The following MARK3 variants were observed in gnomAD, a reference collection of about 807,000 sequenced individuals.
MARK3 encodes the protein MAP/microtubule affinity-regulating kinase 3.
A neutral mutation model predicts 90.1 loss-of-function variants in MARK3; 46 were observed. The observed-to-expected ratio is 0.51, with a 90% CI of 0.40 to 0.65. The LOEUF (loss-of-function observed/expected upper bound fraction) is 0.65, where lower values mean the gene tolerates loss of function less well. Ranked by LOEUF, MARK3 falls within the 30% of genes least tolerant of loss-of-function variation. MARK3 has a pLI of 0.00. For synonymous variants in MARK3, 321 were observed against 332.6 expected, an observed-to-expected ratio of 0.97 and a Z score of 0.38; for missense variants, 818 against 947.2, an observed-to-expected ratio of 0.86 and a Z score of 1.79.
chr14:103,444,555 G>T (rs1345838681), intron 3 of MARK3, among the ~76,000 whole-genome samples: 1 of 152,162 alleles, frequency 6.6e-6, no homozygotes, highest in Non-Finnish European at 1.5e-5. Context: ...GAGGCGGGCG[G>T]ATCACGAGGT....
intron 15 of MARK3, among the ~76,000 whole-genome samples, chr14:103,497,140 G>A (rs1174523705): frequency 6.6e-6 from 1 of 152,090 alleles, no homozygotes; most frequent in East Asian, 1.9e-4. Context: ...GGATAATACT[G>A]CCTTATATTT....
At chr14:103,395,390 G>A (rs955370314) in intron 1 of MARK3, among the ~76,000 whole-genome samples, 1 of 148,456 alleles carries the variant, frequency 6.7e-6, no homozygotes. Context: ...TGGTTTTTTT[G>A]TTTGTTTACT....
chr14:103,424,728 A>C (rs2092344251), intron 2 of MARK3, among the ~76,000 whole-genome samples: 1 of 152,144 alleles, frequency 6.6e-6, no homozygotes, highest in African/African-American at 2.4e-5. Flanking sequence ...GAGGCCAGAA[A>C]AGAGTGTGTA....
intron 14 of MARK3, among the ~76,000 whole-genome samples, chr14:103,488,070 G>A (rs1392247454): frequency 6.6e-6 from 1 of 151,972 alleles, no homozygotes; most frequent in Non-Finnish European, 1.5e-5. Context: ...AATAACATTT[G>A]TGTGCATTCA....
chr14:103,420,825 A>G (rs1436965789), intron 2 of MARK3, among the ~76,000 whole-genome samples: 1 of 152,170 alleles, frequency 6.6e-6, no homozygotes, highest in East Asian at 1.9e-4. Flanking sequence ...TTGAGGTTCA[A>G]CAAGGGGACA....
chr14:103,479,009 T>C (rs1265293695), intron 13 of MARK3, among the ~76,000 whole-genome samples: 2 of 152,198 alleles, frequency 1.3e-5, no homozygotes, highest in East Asian at 3.8e-4. Flanking sequence ...TGGACTTAAA[T>C]GTTTTAATTT....
intron 3 of MARK3, among the ~76,000 whole-genome samples, chr14:103,433,068 T>TTTTTC (rs954400058): frequency 2.8e-4 from 40 of 143,586 alleles, no homozygotes; most frequent in African/African-American, 9.9e-4. Context: ...CAATTGAAGT[T>TTTTTC]TTTTCTTTTC....
At chr14:103,484,925 CAAAA>C (rs897075772) in intron 14 of MARK3, among the ~76,000 whole-genome samples, 5 of 142,334 alleles carry the variant, frequency 3.5e-5, no homozygotes, top group Middle Eastern at 4.1e-3. Flanking sequence ...GTCTCAAAAA[CAAAA>C]AAAAAGGGCT....
intron 3 of MARK3, among the ~76,000 whole-genome samples, chr14:103,438,813 C>G (rs1180328413): frequency 6.6e-6 from 1 of 152,038 alleles, no homozygotes; most frequent in African/African-American, 2.4e-5. Flanking sequence ...GGCAACATGG[C>G]AAAACCCTGT....
intron 17 of MARK3, 64 bp downstream of exon 17, chr14:103,500,264 C>T (rs1178970061): frequency 3.3e-6 from 4 of 1,218,140 alleles, no homozygotes; most frequent in East Asian, 2.5e-5. Flanking sequence ...GTGGCAGAGG[C>T]GACTATTTTC....
intron 1 of MARK3, among the ~76,000 whole-genome samples, chr14:103,395,265 A>G (rs920371283): frequency 6.6e-6 from 1 of 152,210 alleles, no homozygotes; most frequent in Non-Finnish European, 1.5e-5. Context: ...TTAGAGTTAT[A>G]GACTGGAATT....
chr14:103,499,802 T>C (rs1037347503), intron 16 of MARK3: 20 of 254,080 alleles, frequency 7.9e-5, no homozygotes, highest in Admixed American at 7.4e-4. Context: ...ATAACCCCAT[T>C]CTGAGGCCGA....
Position 103,455,725 on chromosome 14 carries a change from C to CAA in MARK3, c.413-1400_413-1399dup, listed in dbSNP as rs57129835. ...CCTGGGCAACAGCACAACTCTGTCT[C>CAA]AAAAAAAAAAAAAAAAAAGCATTAT... On this transcript the variant is annotated intron_variant, in intron 5 of 17. Coordinates refer to ENST00000429436, the MANE Select transcript of MARK3 (RefSeq NM_001128918.3). 2.1e-3 allele frequency among the ~76,000 whole-genome samples: 178 copies of CAA among 83,844 alleles called. 1 individual carries two copies. In the Middle Eastern group the frequency reaches 0.027, roughly 13 times the overall value. The allele number at this position is 83,844 out of a possible 152,430, so 55.0% of individuals were successfully genotyped here.
In MARK3 at chr14:103,484,163, C is replaced by CTT. The variant is rs34512580; in HGVS notation, c.1586+3684_1586+3685dup. On this transcript the variant is annotated intron_variant, in intron 14 of 17. Coordinates refer to ENST00000429436, the MANE Select transcript of MARK3 (RefSeq NM_001128918.3). ...TACAGTAATGCAAACAGAATCTTTTCTTTTTTTTTTTTCTTTTTTTCTTTT... is the reference window on the plus strand; with the variant it reads ...TACAGTAATGCAAACAGAATCTTTTCTTTTTTTTTTTTTTCTTTTTTTCTTTT... Among the ~76,000 whole-genome samples the CTT allele has an allele frequency of 3.3e-3, 483 of 146,254 alleles. 2 individuals carry two copies. The highest frequency in any genetic ancestry group is 5.1e-3 in the Non-Finnish European group (338 of 66,758).
intron 3 of MARK3, among the ~76,000 whole-genome samples, chr14:103,442,820 T>C (rs1175950140): frequency 4.0e-4 from 61 of 152,120 alleles, no homozygotes; most frequent in Admixed American, 4.0e-3. Context: ...ACTAATAGTT[T>C]AGAAAAGGGA....
chr14:103,431,541 G>T (rs1284667053), intron 3 of MARK3, among the ~76,000 whole-genome samples: 1 of 152,100 alleles, frequency 6.6e-6, no homozygotes, highest in Non-Finnish European at 1.5e-5. Flanking sequence ...TGAGGCAGGA[G>T]AATTGCTTGA....
At chr14:103,416,503 G>A (rs1454928904) in intron 2 of MARK3, among the ~76,000 whole-genome samples, 1 of 152,216 alleles carries the variant, frequency 6.6e-6, no homozygotes. Flanking sequence ...AGGCGTGGTG[G>A]ATCACGCCTG....
chr14:103,410,487 C>A (rs1460558832), intron 2 of MARK3, among the ~76,000 whole-genome samples: 13 of 152,190 alleles, frequency 8.5e-5, no homozygotes, highest in African/African-American at 2.9e-4. Context: ...TCCCTTTTCA[C>A]TACTTAGATT....
At chr14:103,428,260 C>T in intron 2 of MARK3, 127 bp from the exon 3 acceptor site, 1 of 550,158 alleles carries the variant, frequency 1.8e-6, no homozygotes, top group Non-Finnish European at 3.2e-6. Flanking sequence ...TTGTAACCAG[C>T]TGAGTTTTAG....
Sources: gnomAD v4.1 joint callset for allele counts (sites outside exome capture counted in the v4.1 genomes callset) on GRCh38, gnomAD v4.1.1 for gene constraint, MANE v1.5 for transcripts, NCBI Gene and HGNC (gene_info 2026-07-23, HGNC 2026-07-21) for gene names.